The following OR2L13 variants were observed in gnomAD, a reference collection of about 807,000 sequenced individuals.
OR2L13 encodes the protein olfactory receptor 2L13.
In OR2L13, 14 loss-of-function variants were observed where a neutral mutation model predicts 15.3. The ratio of observed to expected loss-of-function variants is 0.91; its 90% CI spans 0.60 to 1.43. The LOEUF (loss-of-function observed/expected upper bound fraction) is 1.43, where lower values mean the gene tolerates loss of function less well. Among genes scored for constraint, OR2L13 ranks in the 40% most tolerant of loss-of-function variants. OR2L13 has a pLI of 0.00. For missense variants in OR2L13, 367 were observed against 387.9 expected (o/e 0.95, Z 0.45); for synonymous variants, 152 against 142.9 (o/e 1.06, Z -0.45).
the OR2L13 span, among the ~76,000 whole-genome samples, chr1:248,070,650 A>G: frequency 6.6e-6 from 1 of 152,170 alleles, no homozygotes; most frequent in South Asian, 2.1e-4. Flanking sequence ...GGAAATAGAG[A>G]CACAAAAAAC....
chr1:247,991,122 C>T, the OR2L13 span: 3 of 1,606,450 alleles, frequency 1.9e-6, no homozygotes, highest in Non-Finnish European at 1.7e-6. Flanking sequence ...CAATGCTCAA[C>T]CCCATCATCT....
the OR2L13 span, among the ~76,000 whole-genome samples, chr1:247,989,804 A>C: frequency 6.6e-6 from 1 of 152,252 alleles, no homozygotes; most frequent in African/African-American, 2.4e-5. Flanking sequence ...ATTGCATGGA[A>C]AATTCCACAA....
chr1:247,959,623 T>C, the OR2L13 span, among the ~76,000 whole-genome samples: 10 of 152,184 alleles, frequency 6.6e-5, 1 homozygote, highest in Middle Eastern at 3.4e-3. Context: ...CCCATATTTC[T>C]TGGAGGCTTT....
chr1:247,965,483 C>A, the OR2L13 span: 1 of 1,613,750 alleles, frequency 6.2e-7, no homozygotes, highest in Non-Finnish European at 8.5e-7. Flanking sequence ...ACCCTCTTTA[C>A]AGTTGCTCTG....
At chr1:247,965,191 A>G in the OR2L13 span, 2 of 625,974 alleles carry the variant, frequency 3.2e-6, no homozygotes, top group Admixed American at 3.7e-5. Context: ...CAGTAACAGT[A>G]TGCGAGAATG....
the OR2L13 span, among the ~76,000 whole-genome samples, chr1:247,972,647 CA>C: frequency 2.7e-3 from 21 of 7,706 alleles, no homozygotes; most frequent in South Asian, 0.045. Context: ...CAAAACAAAA[CA>C]AAAAAAACCC....
chr1:248,060,672 CGAATGCCCCAT>C, the OR2L13 span: 1 of 1,601,956 alleles, frequency 6.2e-7, no homozygotes, highest in Non-Finnish European at 8.5e-7. Flanking sequence ...AAAGAGCACA[CGAATGCCCCAT>C]GGAAAATTAC....
the OR2L13 span, chr1:248,003,599 G>A: frequency 1.2e-6 from 2 of 1,611,694 alleles, no homozygotes; most frequent in African/African-American, 2.7e-5. Flanking sequence ...CAATGCTTGT[G>A]CTCACACTGT....
the OR2L13 span, among the ~76,000 whole-genome samples, chr1:248,065,584 C>A: frequency 7.9e-6 from 1 of 127,272 alleles, no homozygotes; most frequent in African/African-American, 2.8e-5. Context: ...TCCCTCCCCC[C>A]TCCCCCCACC....
chr1:248,027,518 C>T, the OR2L13 span, among the ~76,000 whole-genome samples: 6 of 152,114 alleles, frequency 3.9e-5, no homozygotes, highest in African/African-American at 1.4e-4. Flanking sequence ...TTCGGGGGCA[C>T]CACGGAACCT....
the OR2L13 span, among the ~76,000 whole-genome samples, chr1:247,960,816 G>A: frequency 6.6e-6 from 1 of 152,174 alleles, no homozygotes; most frequent in African/African-American, 2.4e-5. Context: ...GGAGTGACCC[G>A]ATTTTCCAGG....
At chr1:248,097,401 T>C (rs1215017067) in intron 1 of OR2L13, 2 of 152,088 alleles carry the variant, frequency 1.3e-5, no homozygotes, top group African/African-American at 4.8e-5. Context: ...TGAAATAAGG[T>C]CCCATGTCTA....
At chr1:247,979,659 G>A in the OR2L13 span, among the ~76,000 whole-genome samples, 1 of 151,990 alleles carries the variant, frequency 6.6e-6, no homozygotes, top group East Asian at 1.9e-4. Context: ...TCCGTGGGCT[G>A]CACCCACTGT....
At chr1:248,016,968 G>T in the OR2L13 span, among the ~76,000 whole-genome samples, 1 of 152,074 alleles carries the variant, frequency 6.6e-6, no homozygotes, top group South Asian at 2.1e-4. Flanking sequence ...CTGACATATT[G>T]CAAGTGCCAG....
the OR2L13 span, chr1:247,966,242 T>G: frequency 6.2e-7 from 1 of 1,613,304 alleles, no homozygotes; most frequent in African/African-American, 1.3e-5. Flanking sequence ...AACCCATTTA[T>G]CTACAGCCTG....
chr1:248,082,785 G>A, the OR2L13 span, among the ~76,000 whole-genome samples: 3 of 152,118 alleles, frequency 2.0e-5, no homozygotes, highest in Admixed American at 6.5e-5. Flanking sequence ...ACTCAATTAT[G>A]TATAAGGTTG....
At chr1:248,009,767 ATAAAAT>A in the OR2L13 span, among the ~76,000 whole-genome samples, 5 of 152,314 alleles carry the variant, frequency 3.3e-5, no homozygotes, top group African/African-American at 1.2e-4. Flanking sequence ...AAAATCCTCA[ATAAAAT>A]ACTGGCAAAC....
the OR2L13 span, among the ~76,000 whole-genome samples, chr1:248,017,839 T>C: frequency 6.6e-6 from 1 of 152,156 alleles, no homozygotes; most frequent in African/African-American, 2.4e-5. Context: ...TCATACAAAC[T>C]TGCCTTGTAG....
At chr1:248,023,405 A>G in the OR2L13 span, 1 of 152,302 alleles carries the variant, frequency 6.6e-6, no homozygotes, top group East Asian at 1.9e-4. Flanking sequence ...CTTTAGTAAA[A>G]CAACAATTTC....
Sources: allele counts gnomAD v4.1 joint callset (sites outside exome capture counted in the v4.1 genomes callset), GRCh38; gene constraint gnomAD v4.1.1; transcripts MANE v1.5; gene names NCBI Gene and HGNC (gene_info 2026-07-23, HGNC 2026-07-21).